MLXIP: variants seen among roughly 807,000 people sequenced by gnomAD.
MLXIP encodes the protein MLX-interacting protein.
A neutral mutation model predicts 87.2 loss-of-function variants in MLXIP; 30 were observed. That is an observed-to-expected ratio of 0.34 (90% confidence interval 0.26 to 0.47). MLXIP has a LOEUF of 0.47. Among genes scored for constraint, MLXIP ranks in the 20% least tolerant of loss-of-function variants. MLXIP has a pLI of 1.00. For missense variants in MLXIP, 1,002 were observed against 1,240.1 expected, an observed-to-expected ratio of 0.81 and a Z score of 2.88; for synonymous variants, 530 against 514.0, an observed-to-expected ratio of 1.03 and a Z score of -0.42.
At chr12:122,093,139 ATG>A (rs1478223345) in intron 1 of MLXIP, among the ~76,000 whole-genome samples, 2 of 118,904 alleles carry the variant, frequency 1.7e-5, no homozygotes, top group African/African-American at 6.8e-5. Flanking sequence ...GGGTCTGTTG[ATG>A]TGTGTGTTGG....
Position 122,086,494 on chromosome 12 carries a change from C to CT in MLXIP, c.413+7235dup, listed in dbSNP as rs1167133760. Among the ~76,000 whole-genome samples, 9 of 152,234 alleles carry CT rather than the reference C, an allele frequency of 5.9e-5. No individual in the cohort carries two copies. In the East Asian group the frequency reaches 1.2e-3, roughly 20 times the overall value. On this transcript the variant is annotated intron_variant, in intron 1 of 16. Transcript: ENST00000319080. ...GAAGTGTTGTAGAAAGTTAATTTTC[C>CT]TTTTTTTAAAGGATTTATGTGATGG...
intron 1 of MLXIP, among the ~76,000 whole-genome samples, chr12:122,109,405 T>C (rs972075062): frequency 6.6e-6 from 1 of 152,262 alleles, no homozygotes; most frequent in Non-Finnish European, 1.5e-5. Flanking sequence ...GGTTTTGCCA[T>C]GTTGGCCAGG....
intron 1 of MLXIP, among the ~76,000 whole-genome samples, chr12:122,086,667 G>A (rs1281861245): frequency 6.6e-6 from 1 of 152,126 alleles, no homozygotes; most frequent in Non-Finnish European, 1.5e-5. Context: ...GCCACAGGGT[G>A]TGTGTTTTTG....
In MLXIP at chr12:122,142,356, A is replaced by C; in HGVS notation, c.*544A>C. 1.7e-6 allele frequency: 1 copy of C among 578,660 alleles called. No individual in the cohort carries two copies. The highest frequency in any genetic ancestry group is 1.5e-5 in the South Asian group (1 of 65,586). 35.8% of individuals were successfully genotyped at this position (578,660 alleles called of 1,614,324 possible). A position where few individuals can be genotyped will look rare whatever the true frequency, so the allele number is the denominator to read the frequency against. ...CCCTTGTGGATGGACTTGGGCTTCTATTCAGGCTTATGCATGGCAGGCTGC... is the reference window on the plus strand; with the variant it reads ...CCCTTGTGGATGGACTTGGGCTTCTCTTCAGGCTTATGCATGGCAGGCTGC... On this transcript the variant is annotated 3_prime_UTR_variant, in exon 17 of 17. Coordinates refer to ENST00000319080, the MANE Select transcript of MLXIP (RefSeq NM_014938.6).
chr12:122,098,506 T>A (rs1397081387), intron 1 of MLXIP, among the ~76,000 whole-genome samples: 1 of 152,184 alleles, frequency 6.6e-6, no homozygotes, highest in Non-Finnish European at 1.5e-5. Flanking sequence ...CCTGGGAGCT[T>A]GAGCTGCCCA....
At position 122,135,810 on chromosome 12, in the gene MLXIP, C is replaced by T; in HGVS notation, c.2032+144C>T. ...TGAGGTCTTGTAGGCCTGCTGATAA[C>T]ACAGTCTGGGAACACGCTCTGTGGG... On this transcript the variant is annotated intron_variant, in intron 11 of 16. Transcript: ENST00000319080. The surrounding 1 kb of genome is among the most constrained non-coding windows in gnomAD (Gnocchi z 5.3). 9.8e-7 allele frequency: 1 copy of T among 1,018,306 alleles called. No homozygotes were observed. The highest frequency in any genetic ancestry group is 2.9e-5 in the East Asian group (1 of 34,766). The allele number at this position is 1,018,306 out of a possible 1,614,324, so 63.1% of individuals were successfully genotyped here. A position where few individuals can be genotyped will look rare whatever the true frequency, so the allele number is the denominator to read the frequency against.
chr12:122,079,749 C>T (rs1439335581), intron 1 of MLXIP, among the ~76,000 whole-genome samples: 3 of 152,228 alleles, frequency 2.0e-5, no homozygotes, highest in Non-Finnish European at 2.9e-5. Context: ...TAGTGTCTGC[C>T]TCCAAGGGGC....
chr12:122,128,944 G>T, intron 3 of MLXIP, 193 bp from the exon 4 acceptor site: 1 of 596,656 alleles, frequency 1.7e-6, no homozygotes. Flanking sequence ...AAATGACAGC[G>T]CATTGTTAGC....
Position 122,079,052 on chromosome 12 carries a change from C to T in MLXIP, c.199C>T (p.Arg67Cys). 2 of 1,501,652 alleles carry T rather than the reference C, an allele frequency of 1.3e-6. No individual in the cohort carries two copies. The highest frequency in any genetic ancestry group is 1.2e-5 in the South Asian group (1 of 80,628). The allele number at this position is 1,501,652 out of a possible 1,614,324, so 93.0% of individuals were successfully genotyped here. A position where few individuals can be genotyped will look rare whatever the true frequency, so the allele number is the denominator to read the frequency against. The change falls in exon 1 of 17, where the codon CGC becomes TGC. Residue 67 changes from arginine to cysteine, a missense_variant. This residue lies in a region of MLXIP where 129 missense variants were observed against 104.2 expected (regional missense o/e 1.24). Coordinates refer to ENST00000319080, the MANE Select transcript of MLXIP (RefSeq NM_014938.6). The part of the protein sequence containing the change: ...APPPPRAGPG[R>C]EEPPRRQQII... Reference sequence around the variant, plus strand: ...ACCGCCGCCTCGGGCCGGGCCGGGCCGCGAGGAACCTCCGCGCCGCCAGCA... The same window carrying T: ...ACCGCCGCCTCGGGCCGGGCCGGGCTGCGAGGAACCTCCGCGCCGCCAGCA...
intron 1 of MLXIP, 155 bp from the exon 2 acceptor site, chr12:122,127,101 G>A: frequency 1.4e-6 from 1 of 694,932 alleles, no homozygotes; most frequent in Non-Finnish European, 2.6e-6. Context: ...TGGCTCTGAA[G>A]AAATCCCCCA....
chr12:122,096,353 C>T (rs377076517), intron 1 of MLXIP, among the ~76,000 whole-genome samples: 2 of 152,040 alleles, frequency 1.3e-5, no homozygotes, highest in South Asian at 2.1e-4. Flanking sequence ...TTTTTGATAA[C>T]GCCTCCCATG....
rs1049363949 is a variant in MLXIP, at chr12:122,079,407, C to G, written c.413+141C>G. The G allele has an allele frequency of 1.8e-5, 14 of 760,908 alleles. No homozygotes were observed. The East Asian group carries it at 3.3e-4, about 18-fold the overall frequency. The allele number at this position is 760,908 out of a possible 1,614,324, so 47.1% of individuals were successfully genotyped here. A position where few individuals can be genotyped will look rare whatever the true frequency, so the allele number is the denominator to read the frequency against. On this transcript the variant is annotated intron_variant, in intron 1 of 16. Coordinates refer to ENST00000319080, the MANE Select transcript of MLXIP (RefSeq NM_014938.6). ...TCCTCCTTCGGGAGGGTTTATGGAT[C>G]TGGGGTTCCCCGCGTTGCCAGAGGA...
At chr12:122,089,073 T>C (rs1952210585) in intron 1 of MLXIP, among the ~76,000 whole-genome samples, 1 of 149,902 alleles carries the variant, frequency 6.7e-6, no homozygotes, top group Non-Finnish European at 1.5e-5. Context: ...TCCCAGCTGC[T>C]GGGGAGGCTG....
chr12:122,129,556 GT>G, intron 4 of MLXIP, 31 bp from the exon 5 acceptor site: 1 of 1,611,866 alleles, frequency 6.2e-7, no homozygotes, highest in Non-Finnish European at 8.5e-7. Flanking sequence ...AGGGCCATTG[GT>G]GACCGCCGTG....
intron 7 of MLXIP, among the ~76,000 whole-genome samples, chr12:122,131,739 G>A (rs4758687): frequency 0.49 from 74,700 of 151,306 alleles, 18,921 homozygotes; most frequent in Admixed American, 0.57. Context: ...TTTAGTCTTT[G>A]TTATTTTGAG....
chr12:122,085,595 G>A lies in MLXIP; in HGVS notation c.413+6329G>A, dbSNP rs1437907186. 2.6e-5 allele frequency among the ~76,000 whole-genome samples: 4 copies of A among 151,898 alleles called. No homozygotes were observed. In the South Asian group the frequency reaches 8.3e-4, roughly 32 times the overall value. On this transcript the variant is annotated intron_variant, in intron 1 of 16. Coordinates refer to ENST00000319080, the MANE Select transcript of MLXIP (RefSeq NM_014938.6). The stretch of plus-strand genomic sequence containing the variant: ...ATTTTTGTATTTTTGGTAGAGATGG[G>A]GTTTCATCATGTTGGTCAGGCTGTT...
chr12:122,140,946 C>A lies in MLXIP; in HGVS notation c.2509-8C>A. 6.2e-7 allele frequency: 1 copy of A among 1,614,032 alleles called. No individual in the cohort carries two copies. Among genetic ancestry groups the A allele is most frequent in the Non-Finnish European group, 8.5e-7 (1 of 1,179,898 alleles). On this transcript the variant is annotated splice_polypyrimidine_tract_variant and splice_region_variant and intron_variant, in intron 15 of 16. Transcript: ENST00000319080. ...CGTGCTTGCCTTTTCTTTAACCACA[C>A]ACTGCAGTTCAGCATCATCATCAAG...
At chr12:122,130,243 G>T in intron 6 of MLXIP, 131 bp downstream of exon 6, 1 of 953,812 alleles carries the variant, frequency 1.0e-6, no homozygotes, top group Non-Finnish European at 1.5e-6. Context: ...AGGCAGTAAG[G>T]AAGGGAAGGA....
rs1953258595 is a variant in MLXIP, at chr12:122,144,133, C to T, written c.*2321C>T. ...TAGATTTGACCTCTGTCCTGGGCTC[C>T]TGGGCCAGGTGCAGGAACATCTGAG... On this transcript the variant is annotated 3_prime_UTR_variant, in exon 17 of 17. Transcript: ENST00000319080. 2 of 152,716 alleles carry T rather than the reference C, an allele frequency of 1.3e-5. No homozygotes were observed. Among genetic ancestry groups the T allele is most frequent in the African/African-American group, 4.8e-5 (2 of 41,462 alleles). The allele number at this position is 152,716 out of a possible 1,614,324, so 9.5% of individuals were successfully genotyped here. A position where few individuals can be genotyped will look rare whatever the true frequency, so the allele number is the denominator to read the frequency against.
Sources: gnomAD v4.1 joint callset for allele counts (sites outside exome capture counted in the v4.1 genomes callset) on GRCh38, gnomAD v4.1.1 for gene constraint, gnomAD v4.1.1 regional missense constraint, Gnocchi (gnomAD v3.1) non-coding constraint, MANE v1.5 for transcripts, NCBI Gene and HGNC (gene_info 2026-07-23, HGNC 2026-07-21) for gene names.